HMCN2: variants seen among roughly 807,000 people sequenced by gnomAD.
The protein encoded by HMCN2 is hemicentin 2, also known as hemicentin-2.
HMCN2 carries 325 observed loss-of-function variants against 377.5 expected under a neutral mutation model. The ratio of observed to expected loss-of-function variants is 0.86; its 90% CI spans 0.79 to 0.94. HMCN2 has a LOEUF of 0.94. HMCN2 is among the 40% of genes least tolerant of loss of function. HMCN2 has a pLI of 0.00. For synonymous variants in HMCN2, 2,007 were observed against 2,046.8 expected, an observed-to-expected ratio of 0.98 and a Z score of 0.53; for missense variants, 4,543 against 4,725.3, an observed-to-expected ratio of 0.96 and a Z score of 1.13.
chr9:130,293,761 C>T (rs537119243), intron 4 of HMCN2, among the ~76,000 whole-genome samples: 2 of 152,200 alleles, frequency 1.3e-5, no homozygotes, highest in Non-Finnish European at 2.9e-5. Flanking sequence ...CAGAGGTTCT[C>T]TGCCCCCACA....
rs1841277863 is a variant in HMCN2 at position 130,374,652 on chromosome 9, C to T, written c.7589C>T (p.Ala2530Val). 1 of 985,676 alleles carries T rather than the reference C, an allele frequency of 1.0e-6. No homozygotes were observed. The highest frequency in any genetic ancestry group is 1.2e-6 in the Non-Finnish European group (1 of 829,946). 61.1% of individuals were successfully genotyped at this position (985,676 alleles called of 1,614,324 possible). Reference sequence around the variant, plus strand: ...CACTACTCCTGCATTGCAGCCAACGCTGTTGGGGAGAAGACCAAACACTTC... The same window carrying T: ...CACTACTCCTGCATTGCAGCCAACGTTGTTGGGGAGAAGACCAAACACTTC... ...AGHYSCIAAN[A>V]VGEKTKHFQL... The change falls in exon 49 of 98, where the codon GCT (alanine) becomes GTT (valine). Residue 2530 changes from alanine to valine, a missense_variant. By Grantham distance (64) the Ala-to-Val change is moderately conservative. Transcript: ENST00000683500.
chr9:130,288,359 G>A (rs1370705427), intron 4 of HMCN2, among the ~76,000 whole-genome samples: 1 of 152,248 alleles, frequency 6.6e-6, no homozygotes, highest in Non-Finnish European at 1.5e-5. Flanking sequence ...CTACCTCTAA[G>A]TAGGGGCCTG....
chr9:130,361,199 A>G lies in HMCN2; in HGVS notation c.5950+595A>G, dbSNP rs2131564398. Among the ~76,000 whole-genome samples, 1 of 152,372 alleles carries G rather than the reference A, an allele frequency of 6.6e-6. No homozygotes were observed. The highest frequency in any genetic ancestry group is 1.5e-5 in the Non-Finnish European group (1 of 68,038). On this transcript the variant is annotated intron_variant, in intron 38 of 97. Transcript: ENST00000683500. This position sits in a 1 kb window ranked among gnomAD's most constrained non-coding sequence, Gnocchi z 4.8. ...AGGAGCTTTCAGTGTAGTGGAGGAC[A>G]CAGCAATCAGATCATTCCCCAGAGT...
At chr9:130,293,030 C>G (rs1467308732) in intron 4 of HMCN2, among the ~76,000 whole-genome samples, 2 of 152,098 alleles carry the variant, frequency 1.3e-5, no homozygotes, top group African/African-American at 4.8e-5. Context: ...ACCTACCTAT[C>G]AATTTATCAT....
intron 36 of HMCN2, among the ~76,000 whole-genome samples, chr9:130,358,723 G>T (rs1362024446): frequency 6.6e-6 from 1 of 152,056 alleles, no homozygotes; most frequent in African/African-American, 2.4e-5. Context: ...GCCCAGGCTG[G>T]AGTGCAGTGG....
intron 83 of HMCN2, 100 bp downstream of exon 83, chr9:130,407,805 T>A: frequency 1.1e-6 from 1 of 901,604 alleles, no homozygotes; most frequent in Admixed American, 4.9e-5. Context: ...TCCTCTGAAC[T>A]AGTGGTTCCC....
At chr9:130,410,757 T>C (rs377440109) in intron 85 of HMCN2, 105 bp downstream of exon 85, 11 of 903,234 alleles carry the variant, frequency 1.2e-5, no homozygotes, top group Admixed American at 6.1e-5. Flanking sequence ...CTTGGAATTC[T>C]TTCATTAATA....
intron 4 of HMCN2, among the ~76,000 whole-genome samples, chr9:130,289,743 T>C (rs74821089): frequency 6.6e-6 from 1 of 152,066 alleles, no homozygotes; most frequent in East Asian, 1.9e-4. Context: ...AGGAACTCTC[T>C]CTGAAAAAGA....
intron 59 of HMCN2, 120 bp downstream of exon 59, chr9:130,384,918 G>A (rs886923066): frequency 9.6e-5 from 58 of 602,062 alleles, no homozygotes; most frequent in South Asian, 6.4e-4. Flanking sequence ...AGGCTGGGAC[G>A]CCCGCACAGA....
chr9:130,270,433 G>A lies in HMCN2; in HGVS notation c.259+4296G>A, dbSNP rs1378880987. Among the ~76,000 whole-genome samples the A allele has an allele frequency of 2.0e-5, 3 of 147,436 alleles. 1 individual carries two copies. Among genetic ancestry groups the A allele is most frequent in the African/African-American group, 7.3e-5 (3 of 40,980 alleles). ...TAAAAATTGGTAGGCTGGGCTCAGT[G>A]GCTCACACTTGTAATGCCAGTACTT... On this transcript the variant is annotated intron_variant, in intron 1 of 97. Transcript: ENST00000683500.
At chr9:130,312,662 C>T (rs1837334723) in intron 15 of HMCN2, among the ~76,000 whole-genome samples, 5 of 144,532 alleles carry the variant, frequency 3.5e-5, no homozygotes. Context: ...CCCTTCCTTT[C>T]TTTCTTTCTT....
intron 15 of HMCN2, among the ~76,000 whole-genome samples, chr9:130,319,289 A>C (rs1242977722): frequency 1.3e-5 from 2 of 152,006 alleles, no homozygotes; most frequent in Admixed American, 1.3e-4. Flanking sequence ...GCACCATCCC[A>C]CGAGTCACTC....
At chr9:130,323,146 C>A (rs1054090841) in intron 19 of HMCN2, among the ~76,000 whole-genome samples, 2 of 152,296 alleles carry the variant, frequency 1.3e-5, no homozygotes, top group African/African-American at 2.4e-5. Context: ...CCCTCACAGC[C>A]GCTTCTGTGG....
chr9:130,346,031 C>T (rs1234803467), intron 25 of HMCN2, among the ~76,000 whole-genome samples: 2 of 152,074 alleles, frequency 1.3e-5, no homozygotes, highest in Non-Finnish European at 2.9e-5. Context: ...CCAGGGGCGG[C>T]CCTTTCTGAT....
At chr9:130,355,313 T>C (rs578054988) in intron 32 of HMCN2, among the ~76,000 whole-genome samples, 11 of 152,312 alleles carry the variant, frequency 7.2e-5, no homozygotes, top group African/African-American at 2.4e-4. Context: ...AGGACCTCGT[T>C]CTGCCTTCTG....
At chr9:130,355,583 G>A (rs112456074) in intron 32 of HMCN2, among the ~76,000 whole-genome samples, 163 bp from the exon 33 acceptor site, 1,603 of 152,328 alleles carry the variant, frequency 0.011, 28 homozygotes, top group African/African-American at 0.036. Context: ...CCCCTTACCC[G>A]CCTTGGGTGG....
chr9:130,297,025 C>A (rs1034130716), intron 7 of HMCN2, among the ~76,000 whole-genome samples: 11 of 152,206 alleles, frequency 7.2e-5, no homozygotes, highest in African/African-American at 2.7e-4. Context: ...GTGACATTTA[C>A]CTTTAGAACA....
Position 130,347,649 on chromosome 9 carries a change from G to A in HMCN2, c.4024+289G>A, listed in dbSNP as rs917876146. Among the ~76,000 whole-genome samples the A allele has an allele frequency of 3.8e-4, 58 of 152,240 alleles. No homozygotes were observed. Among genetic ancestry groups the A allele is most frequent in the Non-Finnish European group, 5.9e-5 (4 of 68,016 alleles). On this transcript the variant is annotated intron_variant, in intron 26 of 97. Transcript: ENST00000683500. This position sits in a 1 kb window ranked among gnomAD's most constrained non-coding sequence, Gnocchi z 5.1. ...CCCACTTCCCTAGAGAGACCCCCAC[G>A]GAGACAGTATGGGGGAAGCACCTGG...
At chr9:130,409,082 C>T in intron 84 of HMCN2, 149 bp downstream of exon 84, 1 of 441,848 alleles carries the variant, frequency 2.3e-6, no homozygotes, top group Non-Finnish European at 3.8e-6. Context: ...CCTCCCACTA[C>T]CACCAATATT....
Sources: gnomAD v4.1 joint callset for allele counts (sites outside exome capture counted in the v4.1 genomes callset) on GRCh38, gnomAD v4.1.1 for gene constraint, Gnocchi (gnomAD v3.1) non-coding constraint, MANE v1.5 for transcripts, NCBI Gene and HGNC (gene_info 2026-07-23, HGNC 2026-07-21) for gene names.